Variants in ACO1 observed in about 807,000 individuals in gnomAD.
The protein encoded by ACO1 is cytoplasmic aconitate hydratase.
Under a neutral mutation model 105.1 loss-of-function variants are expected in ACO1, and 78 were observed. The observed-to-expected ratio is 0.74, with a 90% CI of 0.62 to 0.90. The LOEUF is 0.90. ACO1 is among the 40% of genes least tolerant of loss of function. The pLI is 0.00. For synonymous variants in ACO1, 364 were observed against 397.4 expected (o/e 0.92, Z 1.00); for missense variants, 965 against 1,111.1 (o/e 0.87, Z 1.87).
intron 4 of ACO1, among the ~76,000 whole-genome samples, chr9:32,416,589 C>T (rs1228784295): frequency 6.6e-6 from 1 of 152,182 alleles, no homozygotes; most frequent in Admixed American, 6.5e-5. Flanking sequence ...TGCTCCCGTA[C>T]CAGGCAGTGA....
intron 13 of ACO1, 49 bp from the exon 14 acceptor site, chr9:32,430,369 G>A: frequency 6.4e-7 from 1 of 1,564,924 alleles, no homozygotes; most frequent in South Asian, 1.2e-5. Flanking sequence ...GAGACAAGAA[G>A]CCTAGTCAGT....
At chr9:32,390,375 G>A (rs62571706) in intron 1 of ACO1, among the ~76,000 whole-genome samples, 24,459 of 152,124 alleles carry the variant, frequency 0.16, 2,245 homozygotes, top group South Asian at 0.29. Context: ...CTTCCACTTC[G>A]TAGTTCTCTG....
chr9:32,419,050 T>TTGAAGCAGAAGC lies in ACO1; in HGVS notation c.674_685dup (p.Glu225_Ala228dup). 1 of 1,604,384 alleles carries TTGAAGCAGAAGC rather than the reference T, an allele frequency of 6.2e-7. No homozygotes were observed. Among genetic ancestry groups the TTGAAGCAGAAGC allele is most frequent in the Non-Finnish European group, 8.5e-7 (1 of 1,174,722 alleles). Reference sequence around the variant, plus strand: ...CCGTTCATTGCAGGTGTCGGTGGTATTGAAGCAGAAGCTGTCATGCTGGGT... The same window carrying TTGAAGCAGAAGC: ...CCGTTCATTGCAGGTGTCGGTGGTATTGAAGCAGAAGCTGAAGCAGAAGCTGTCATGCTGGGT... On this transcript the variant is annotated inframe_insertion, in exon 7 of 21. Coordinates refer to ENST00000309951, the MANE Select transcript of ACO1 (RefSeq NM_002197.3).
At chr9:32,392,613 A>G (rs10813805) in intron 1 of ACO1, among the ~76,000 whole-genome samples, 65,857 of 151,988 alleles carry the variant, frequency 0.43, 14,783 homozygotes, top group Non-Finnish European at 0.5. Context: ...TCTAAAACCA[A>G]CATCTCAGTT....
In ACO1 at chr9:32,427,325, A is replaced by T; in HGVS notation, c.1373A>T (p.Asp458Val). Residue 458 changes from aspartate to valine, a missense_variant, in exon 12 of 21, where the codon GAT (aspartate) becomes GTT (valine). Physicochemically the swap from Asp to Val is radical, Grantham distance 152. Coordinates refer to ENST00000309951, the MANE Select transcript of ACO1 (RefSeq NM_002197.3). ...GAGLLAKKAV[D>V]AGLNVMPYIK... ...GGATTGTTAGCAAAGAAAGCTGTGG[A>T]TGCTGGCCTGAACGTGATGCCTTAC... The T allele has an allele frequency of 1.2e-6, 2 of 1,614,228 alleles. No homozygotes were observed. Among genetic ancestry groups the T allele is most frequent in the Non-Finnish European group, 8.5e-7 (1 of 1,180,028 alleles).
intron 1 of ACO1, among the ~76,000 whole-genome samples, chr9:32,402,189 CTTTTT>C (rs1000487608): frequency 1.3e-5 from 2 of 150,028 alleles, no homozygotes; most frequent in African/African-American, 2.4e-5. Flanking sequence ...TTCCTTCCTT[CTTTTT>C]TTTTTCTTTT....
chr9:32,418,249 G>C (rs754687260), intron 5 of ACO1, 52 bp downstream of exon 5: 7 of 1,612,390 alleles, frequency 4.3e-6, no homozygotes, highest in Non-Finnish European at 5.9e-6. Flanking sequence ...GGCAGGGTAC[G>C]AGGGAGAGAT....
At position 32,450,555 on chromosome 9, in the gene ACO1, C is replaced by T. The variant is rs924877092; in HGVS notation, c.*444C>T. ...ATTTTCCTTTCTGTATTAATTATAC[C>T]AGTGTTAAGTGACATAGATAAGAAC... On this transcript the variant is annotated 3_prime_UTR_variant, in exon 21 of 21. Transcript: ENST00000309951. 4.6e-5 allele frequency: 12 copies of T among 263,344 alleles called. No individual in the cohort carries two copies. The highest frequency in any genetic ancestry group is 2.7e-4 in the African/African-American group (12 of 44,170). 16.3% of individuals were successfully genotyped at this position (263,344 alleles called of 1,614,324 possible).
At chr9:32,385,179 A>G (rs988231090) in intron 1 of ACO1, among the ~76,000 whole-genome samples, 11 of 152,316 alleles carry the variant, frequency 7.2e-5, no homozygotes, top group Non-Finnish European at 1.5e-4. Flanking sequence ...TAAAGGGAAA[A>G]TGGGATGAGG....
At chr9:32,430,964 CA>C (rs1360020174) in intron 14 of ACO1, among the ~76,000 whole-genome samples, 3 of 152,196 alleles carry the variant, frequency 2.0e-5, no homozygotes, top group African/African-American at 7.2e-5. Context: ...TTCCCCAGAT[CA>C]GCTTGCTTGC....
In ACO1 at chr9:32,433,744, G is replaced by A. The variant is rs554654868; in HGVS notation, c.1868G>A (p.Trp623Ter). ...YQKIETVNES[W>*]NALATPSDKL... Reference sequence around the variant, plus strand: ...TTTTTTAAGACTGTGAATGAAAGCTGGAATGCCTTAGCAACCCCATCAGAT... The same window carrying A: ...TTTTTTAAGACTGTGAATGAAAGCTAGAATGCCTTAGCAACCCCATCAGAT... The change falls in exon 16 of 21, where the codon TGG (tryptophan) becomes TAG (stop). Residue 623 changes from tryptophan to a stop codon, truncating the protein, a stop_gained. Transcript: ENST00000309951. LOFTEE classifies it high-confidence loss of function. 1 of 1,609,044 alleles carries A rather than the reference G, an allele frequency of 6.2e-7. No individual in the cohort carries two copies. The highest frequency in any genetic ancestry group is 1.3e-5 in the African/African-American group (1 of 74,612).
intron 4 of ACO1, 47 bp downstream of exon 4, chr9:32,408,698 C>G: frequency 6.3e-7 from 1 of 1,587,584 alleles, no homozygotes; most frequent in Non-Finnish European, 8.6e-7. Context: ...TGTGCAAAAT[C>G]TTTGAACACG....
intron 17 of ACO1, among the ~76,000 whole-genome samples, chr9:32,435,224 G>A (rs759628451): frequency 3.9e-5 from 6 of 152,258 alleles, no homozygotes; most frequent in East Asian, 1.9e-4. Context: ...GAGTTTCCAC[G>A]AGAATCACGT....
chr9:32,408,301 A>G lies in ACO1; in HGVS notation c.267-213A>G, dbSNP rs78772187. On this transcript the variant is annotated intron_variant, in intron 3 of 20. Coordinates refer to ENST00000309951, the MANE Select transcript of ACO1 (RefSeq NM_002197.3). ...ATTTAATACGGTGATAACATTGTAC[A>G]TAGAGATACCACCCAGTCATGGTAC... is the stretch of plus-strand genomic sequence containing the variant. Among the ~76,000 whole-genome samples the G allele has an allele frequency of 1.0e-3, 157 of 152,326 alleles. No individual in the cohort carries two copies. The East Asian group carries it at 0.028, about 27-fold the overall frequency.
intron 18 of ACO1, among the ~76,000 whole-genome samples, chr9:32,438,533 T>C (rs1007089856): frequency 6.6e-6 from 1 of 152,204 alleles, no homozygotes; most frequent in African/African-American, 2.4e-5. Flanking sequence ...AAATGGTAAA[T>C]TGCCTGATGT....
rs55872609 is a variant in ACO1 at position 32,448,961 on chromosome 9, T to G, written c.2436T>G (p.Gly812=). ...RIHRSNLVGM[G]VIPLEYLPGE... ...ACCGCAGTAACCTGGTTGGGATGGG[T>G]GTGATCCCACTTGAATATCTCCCTG... Residue 812 remains glycine, a synonymous_variant, in exon 20 of 21, where the codon GGT becomes GGG. Coordinates refer to ENST00000309951, the MANE Select transcript of ACO1 (RefSeq NM_002197.3). The G allele has an allele frequency of 9.2e-3, 14,788 of 1,614,102 alleles. 819 individuals are homozygous for G. The African/African-American group carries it at 0.14, about 16-fold the overall frequency.
At chr9:32,437,179 T>C (rs1473664021) in intron 18 of ACO1, among the ~76,000 whole-genome samples, 3 of 152,226 alleles carry the variant, frequency 2.0e-5, no homozygotes, top group African/African-American at 7.2e-5. Context: ...CCTAAGCTCT[T>C]GGCATATATT....
intron 8 of ACO1, among the ~76,000 whole-genome samples, chr9:32,421,632 T>C (rs1353867376): frequency 6.6e-6 from 1 of 152,180 alleles, no homozygotes; most frequent in Non-Finnish European, 1.5e-5. Flanking sequence ...AGATCTGACC[T>C]GAGGTCAGGA....
At chr9:32,420,741 A>G (rs1267353581) in intron 7 of ACO1, 115 bp from the exon 8 acceptor site, 9 of 1,073,516 alleles carry the variant, frequency 8.4e-6, no homozygotes, top group Non-Finnish European at 1.1e-5. Context: ...TGTTGGGCTG[A>G]TTTACTATTT....
Sources: gnomAD v4.1 joint callset for allele counts (sites outside exome capture counted in the v4.1 genomes callset) on GRCh38, gnomAD v4.1.1 for gene constraint, MANE v1.5 for transcripts, NCBI Gene and HGNC (gene_info 2026-07-23, HGNC 2026-07-21) for gene names.